SVOP: variants seen among roughly 807,000 people sequenced by gnomAD.
SVOP encodes synaptic vesicle 2-related protein.
Under a neutral mutation model 69.1 loss-of-function variants are expected in SVOP, and 17 were observed. The observed-to-expected ratio is 0.25, with a 90% CI of 0.17 to 0.37. The LOEUF is 0.37. Ranked by LOEUF, SVOP falls within the 10% of genes least tolerant of loss-of-function variation. The pLI is 1.00. For missense variants in SVOP, 435 were observed against 597.5 expected, an observed-to-expected ratio of 0.73 and a Z score of 2.84; for synonymous variants, 238 against 238.6, an observed-to-expected ratio of 1.00 and a Z score of 0.02.
chr12:109,009,529 C>T (rs905862400), intron 1 of SVOP, among the ~76,000 whole-genome samples: 5 of 152,038 alleles, frequency 3.3e-5, no homozygotes, highest in Non-Finnish European at 7.4e-5. Flanking sequence ...TCTCCTGCCT[C>T]AGCCTCCCGA....
intron 2 of SVOP, 94 bp downstream of exon 2, chr12:108,983,507 A>T (rs1337784497): frequency 2.5e-6 from 1 of 398,310 alleles, no homozygotes; most frequent in African/African-American, 2.1e-5. Context: ...GGCCCTCCCA[A>T]CTGCCCCTTC....
intron 1 of SVOP, among the ~76,000 whole-genome samples, chr12:109,018,960 A>G (rs1474781767): frequency 1.3e-5 from 2 of 152,232 alleles, no homozygotes; most frequent in African/African-American, 2.4e-5. Context: ...CAGAAAGGTT[A>G]AGTCACTTGC....
intron 1 of SVOP, among the ~76,000 whole-genome samples, chr12:109,012,893 C>A (rs1409005400): frequency 6.6e-6 from 1 of 152,194 alleles, no homozygotes; most frequent in Non-Finnish European, 1.5e-5. Flanking sequence ...TGTGCCACTG[C>A]ACTCGAGCCT....
intron 6 of SVOP, among the ~76,000 whole-genome samples, chr12:108,948,115 T>C (rs912203058): frequency 7.9e-5 from 12 of 151,824 alleles, no homozygotes; most frequent in African/African-American, 2.2e-4. Flanking sequence ...TCCCCTGGCA[T>C]TGGGGGAGGG....
chr12:108,982,019 T>C (rs2137436838), intron 2 of SVOP, among the ~76,000 whole-genome samples: 1 of 150,666 alleles, frequency 6.6e-6, no homozygotes, highest in African/African-American at 2.4e-5. Flanking sequence ...ACCATCATCA[T>C]CATCACCACC....
intron 4 of SVOP, 140 bp from the exon 5 acceptor site, chr12:108,972,616 A>T: frequency 1.2e-6 from 1 of 840,846 alleles, no homozygotes; most frequent in South Asian, 1.6e-5. Flanking sequence ...CAAGGGGCAA[A>T]CACTAAGTGC....
intron 1 of SVOP, among the ~76,000 whole-genome samples, chr12:109,004,571 T>C (rs771773938): frequency 1.1e-4 from 17 of 151,584 alleles, no homozygotes; most frequent in East Asian, 9.7e-4. Flanking sequence ...ATGCTCAGCA[T>C]ATTTTTTTTT....
rs556776544 is a variant in SVOP at position 108,967,964 on chromosome 12, T to G, written c.453+4441A>C. ...CTTCACAAACATGAAGATGTCTATA[T>G]GGGAACGCCAAGTGAATTACTGCCC... On this transcript the variant is annotated intron_variant, in intron 5 of 15. Coordinates refer to ENST00000610966, the MANE Select transcript of SVOP (RefSeq NM_018711.5). 3.9e-5 allele frequency among the ~76,000 whole-genome samples: 6 copies of G among 152,330 alleles called. No individual in the cohort carries two copies. In the South Asian group the frequency reaches 1.2e-3, roughly 32 times the overall value.
At chr12:109,012,790 G>A (rs1253308539) in intron 1 of SVOP, among the ~76,000 whole-genome samples, 10 of 152,130 alleles carry the variant, frequency 6.6e-5, no homozygotes, top group East Asian at 1.9e-4. Flanking sequence ...TGAGCCAGGC[G>A]TGGTGTCATG....
chr12:109,000,238 A>G (rs556491217), intron 1 of SVOP, among the ~76,000 whole-genome samples: 7,670 of 151,250 alleles, frequency 0.051, 279 homozygotes, highest in Middle Eastern at 0.14. Context: ...CTCGACACAT[A>G]CAGTCTCCCA....
At chr12:109,012,626 C>A (rs2040348283) in intron 1 of SVOP, among the ~76,000 whole-genome samples, 1 of 151,932 alleles carries the variant, frequency 6.6e-6, no homozygotes, top group Non-Finnish European at 1.5e-5. Context: ...CTGATTTAGT[C>A]AAAGAAAATA....
At chr12:108,932,917 C>T (rs927440709) in intron 11 of SVOP, among the ~76,000 whole-genome samples, 5 of 152,062 alleles carry the variant, frequency 3.3e-5, no homozygotes, top group Admixed American at 6.6e-5. Context: ...CTCACTCTGT[C>T]GCCTAGGCTG....
chr12:108,946,700 T>C (rs994890505), intron 6 of SVOP, among the ~76,000 whole-genome samples: 2 of 102,042 alleles, frequency 2.0e-5, no homozygotes, highest in African/African-American at 6.9e-5. Context: ...TTTATTATTA[T>C]TATTATTATT....
At position 108,922,691 on chromosome 12, in the gene SVOP, T is replaced by C; in HGVS notation, c.1155A>G (p.Pro385=). Residue 385 remains proline (P), a splice_region_variant and synonymous_variant, in exon 12 of 16, where the codon CCA becomes CCG. Transcript: ENST00000610966. The part of the protein sequence containing the change: ...DLLWTTLSEF[P]GVLVTLWIID... ...CTTCACCTTGCACAGGTCCCTCACC[T>C]GGAAACTCAGAGAGGGTGGTCCACA... The C allele has an allele frequency of 6.2e-7, 1 of 1,604,596 alleles. No homozygotes were observed.
At chr12:108,965,558 C>T in intron 5 of SVOP, among the ~76,000 whole-genome samples, 1 of 152,170 alleles carries the variant, frequency 6.6e-6, no homozygotes, top group Non-Finnish European at 1.5e-5. Context: ...AAACACATAA[C>T]TTTATTTTTA....
chr12:109,020,759 C>CA (rs1555254167), intron 1 of SVOP, 75 bp downstream of exon 1: 4 of 314,166 alleles, frequency 1.3e-5, no homozygotes, highest in Non-Finnish European at 2.5e-5. Flanking sequence ...GATGTACCCC[C>CA]CCCCACCCCC....
intron 11 of SVOP, among the ~76,000 whole-genome samples, chr12:108,931,792 C>G (rs1170392127): frequency 6.6e-6 from 1 of 151,566 alleles, no homozygotes; most frequent in Non-Finnish European, 1.5e-5. Context: ...CGAGATTGCG[C>G]CACTGCACTC....
chr12:108,972,444 C>T lies in SVOP; in HGVS notation c.414G>A (p.Thr138=), dbSNP rs993025752. 7 of 1,537,022 alleles carry T rather than the reference C, an allele frequency of 4.6e-6. No homozygotes were observed. The Admixed American group carries it at 7.8e-5, about 17-fold the overall frequency. ...VVFVGMMSSS[T]LWGNISDQYG... Reference sequence around the variant, plus strand: ...ACTGGTCTGAGATATTTCCCCAGAGCGTGGAGCTGGACATCATGCCTACAA... The same window carrying T: ...ACTGGTCTGAGATATTTCCCCAGAGTGTGGAGCTGGACATCATGCCTACAA... The change falls in exon 5 of 16, where the codon ACG becomes ACA. Residue 138 remains threonine, a synonymous_variant. Transcript: ENST00000610966.
intron 1 of SVOP, among the ~76,000 whole-genome samples, chr12:108,995,983 TAC>T (rs923659211): frequency 5.3e-5 from 8 of 151,492 alleles, no homozygotes; most frequent in Middle Eastern, 3.2e-3. Flanking sequence ...CATACATACA[TAC>T]ACACACATAC....
Sources: allele counts gnomAD v4.1 joint callset (sites outside exome capture counted in the v4.1 genomes callset), GRCh38; gene constraint gnomAD v4.1.1; transcripts MANE v1.5; gene names NCBI Gene and HGNC (gene_info 2026-07-23, HGNC 2026-07-21).